Variants in B4GALT3 observed in about 807,000 individuals in gnomAD.
B4GALT3 encodes beta-1,4-galactosyltransferase 3.
Under a neutral mutation model 40.7 loss-of-function variants are expected in B4GALT3, and 29 were observed. That is an observed-to-expected ratio of 0.71 (90% CI 0.53 to 0.97). The LOEUF is 0.97. Among genes scored for constraint, B4GALT3 ranks in the 50% least tolerant of loss-of-function variants. B4GALT3 has a pLI of 0.00. For missense variants in B4GALT3, 390 were observed against 522.3 expected, an observed-to-expected ratio of 0.75 and a Z score of 2.47; for synonymous variants, 182 against 203.9, an observed-to-expected ratio of 0.89 and a Z score of 0.92.
rs1571515160 is a variant in B4GALT3, at chr1:161,175,366, C to T, written c.254-138G>A. ...AGGGCTCACTCAGAAATCTCGCATG[C>T]CTTGGATTACCTATCACTGGGACAG... On this transcript the variant is annotated intron_variant, in intron 3 of 7. Transcript: ENST00000319769. 9.4e-6 allele frequency: 7 copies of T among 745,674 alleles called. No homozygotes were observed. The East Asian group carries it at 1.9e-4, about 20-fold the overall frequency. The allele number at this position is 745,674 out of a possible 1,614,324, so 46.2% of individuals were successfully genotyped here. A position where few individuals can be genotyped will look rare whatever the true frequency, so the allele number is the denominator to read the frequency against.
At chr1:161,173,059 TCA>T (rs1301379753) in intron 6 of B4GALT3, among the ~76,000 whole-genome samples, 1 of 152,138 alleles carries the variant, frequency 6.6e-6, no homozygotes, top group Non-Finnish European at 1.5e-5. Context: ...GGATGAGAAT[TCA>T]CAGAGATGTC....
chr1:161,171,649 A>T lies in B4GALT3; in HGVS notation c.*167T>A. 1 of 940,554 alleles carries T rather than the reference A, an allele frequency of 1.1e-6. No homozygotes were observed. The highest frequency in any genetic ancestry group is 1.6e-6 in the Non-Finnish European group (1 of 640,498). 58.3% of individuals were successfully genotyped at this position (940,554 alleles called of 1,614,324 possible). ...CTAGAGAGAGGGACCCCTCAGGTCT[A>T]CAGGAGCCCAGCTCCAGTCCAGCAG... is the stretch of plus-strand genomic sequence containing the variant. On this transcript the variant is annotated 3_prime_UTR_variant, in exon 8 of 8. Coordinates refer to ENST00000319769, the MANE Select transcript of B4GALT3 (RefSeq NM_003779.4).
chr1:161,176,834 A>AT (rs1663729850), intron 1 of B4GALT3: 1 of 1,532,940 alleles, frequency 6.5e-7, no homozygotes, highest in Admixed American at 2.0e-5. Context: ...TAATGGAAAC[A>AT]TTGTTTTCCC....
At position 161,171,732 on chromosome 1, in the gene B4GALT3, T is replaced by G; in HGVS notation, c.*84A>C. 6.5e-7 allele frequency: 1 copy of G among 1,539,482 alleles called. No individual in the cohort carries two copies. The highest frequency in any genetic ancestry group is 1.2e-5 in the South Asian group (1 of 83,174). On this transcript the variant is annotated 3_prime_UTR_variant, in exon 8 of 8. Transcript: ENST00000319769. Reference sequence around the variant, plus strand: ...CCAGAGTTCAGTTCCCTCACATCCCTCTGAGAACAGTGAGGAGCTGAGGGT... The same window carrying G: ...CCAGAGTTCAGTTCCCTCACATCCCGCTGAGAACAGTGAGGAGCTGAGGGT...
At chr1:161,177,135 G>C (rs1030954842) in intron 1 of B4GALT3, 8 of 1,471,962 alleles carry the variant, frequency 5.4e-6, no homozygotes, top group Non-Finnish European at 7.3e-6. Context: ...GGAGAGCAGG[G>C]GCAGAGACAG....
In B4GALT3 at chr1:161,176,586, C is replaced by A; in HGVS notation, c.-160-7G>T. 1 of 516,778 alleles carries A rather than the reference C, an allele frequency of 1.9e-6. No individual in the cohort carries two copies. Among genetic ancestry groups the A allele is most frequent in the South Asian group, 2.4e-5 (1 of 41,054 alleles). 32.0% of individuals were successfully genotyped at this position (516,778 alleles called of 1,614,324 possible). A position where few individuals can be genotyped will look rare whatever the true frequency, so the allele number is the denominator to read the frequency against. On this transcript the variant is annotated splice_polypyrimidine_tract_variant and splice_region_variant and intron_variant, in intron 1 of 7. Coordinates refer to ENST00000319769, the MANE Select transcript of B4GALT3 (RefSeq NM_003779.4). ...GCAGCGAATCTGGGACCAGCTGGAA[C>A]AGAAGTGGTAAAGGATAACTAGCTA... is the stretch of plus-strand genomic sequence containing the variant.
chr1:161,173,358 G>A (rs1312448103), intron 6 of B4GALT3, among the ~76,000 whole-genome samples: 1 of 152,154 alleles, frequency 6.6e-6, no homozygotes, highest in Non-Finnish European at 1.5e-5. Context: ...GGAATCCGAC[G>A]ATACTATTTC....
intron 2 of B4GALT3, 73 bp from the exon 3 acceptor site, chr1:161,176,147 T>C (rs1663430295): frequency 6.6e-7 from 1 of 1,508,442 alleles, no homozygotes; most frequent in Non-Finnish European, 9.1e-7. Context: ...GTAGGTAGGG[T>C]TGAAGGTGAT....
Position 161,175,199 on chromosome 1 carries a change from C to A in B4GALT3, c.283G>T (p.Val95Leu). 1 of 1,613,724 alleles carries A rather than the reference C, an allele frequency of 6.2e-7. No homozygotes were observed. Among genetic ancestry groups the A allele is most frequent in the Admixed American group, 1.7e-5 (1 of 59,862 alleles). ...VGPVSVSFSPVPSLAEIVERN... is the reference protein window; with the variant it reads ...VGPVSVSFSPLPSLAEIVERN... ...TCCACAATCTCTGCCAGTGATGGCA[C>A]TGGGCTAAAGGACACCGACACAGGA... Residue 95 changes from valine (V) to leucine (L), a missense_variant, in exon 4 of 8, where the codon GTG becomes TTG. Physicochemically the swap from Val to Leu is conservative, Grantham distance 32. Coordinates refer to ENST00000319769, the MANE Select transcript of B4GALT3 (RefSeq NM_003779.4).
At position 161,175,837 on chromosome 1, in the gene B4GALT3, G is replaced by A. The variant is rs199534932; in HGVS notation, c.224C>T (p.Pro75Leu). The part of the protein sequence containing the change: ...PGGPPAPQGL[P>L]YCPERSPLLV... Reference sequence around the variant, plus strand: ...GAGAGGAGATCGTTCTGGACAGTAGGGCAGACCTTGAGGAGCTGGAGGACC... The same window carrying A: ...GAGAGGAGATCGTTCTGGACAGTAGAGCAGACCTTGAGGAGCTGGAGGACC... The change falls in exon 3 of 8, where the codon CCC (proline) becomes CTC (leucine). Residue 75 changes from proline (P) to leucine (L), a missense_variant. Pro to Leu is a moderately conservative substitution (Grantham distance 98). This residue lies in a region of B4GALT3 where 183 missense variants were observed against 223.2 expected (regional missense o/e 0.82). Coordinates refer to ENST00000319769, the MANE Select transcript of B4GALT3 (RefSeq NM_003779.4). 1.1e-4 allele frequency: 181 copies of A among 1,614,122 alleles called. 3 individuals are homozygous for A. Among genetic ancestry groups the A allele is most frequent in the Non-Finnish European group, 7.2e-5 (85 of 1,180,016 alleles).
Position 161,177,468 on chromosome 1 carries a change from A to T in B4GALT3, c.-206T>A. The T allele has an allele frequency of 5.8e-6, 1 of 172,426 alleles. No homozygotes were observed. Among genetic ancestry groups the T allele is most frequent in the Non-Finnish European group, 1.3e-5 (1 of 79,118 alleles). The allele number at this position is 172,426 out of a possible 1,614,324, so 10.7% of individuals were successfully genotyped here. On this transcript the variant is annotated 5_prime_UTR_variant, in exon 1 of 8. Coordinates refer to ENST00000319769, the MANE Select transcript of B4GALT3 (RefSeq NM_003779.4). Reference sequence around the variant, plus strand: ...GTCACCGCCACCCCAACAGCCGGGCAGGCATCGCTGCCGCCATCTTGGAAG... The same window carrying T: ...GTCACCGCCACCCCAACAGCCGGGCTGGCATCGCTGCCGCCATCTTGGAAG...
At chr1:161,174,924 G>C in intron 4 of B4GALT3, 69 bp downstream of exon 4, 1 of 1,502,494 alleles carries the variant, frequency 6.7e-7, no homozygotes, top group Non-Finnish European at 9.2e-7. Context: ...TTAGATGAAA[G>C]TGAAGTGGCA....
intron 1 of B4GALT3, chr1:161,176,953 G>A (rs946600611): frequency 6.5e-7 from 1 of 1,536,174 alleles, no homozygotes; most frequent in Non-Finnish European, 8.7e-7. Context: ...TTCTTCATGT[G>A]CCTGGGTGCC....
intron 4 of B4GALT3, 85 bp from the exon 5 acceptor site, chr1:161,174,134 G>A (rs183906818): frequency 5.4e-5 from 79 of 1,449,642 alleles, no homozygotes; most frequent in African/African-American, 4.5e-4. Flanking sequence ...AAGGCCGGGC[G>A]CGGTGGCTTA....
Position 161,172,336 on chromosome 1 carries a change from G to A in B4GALT3, c.804-5C>T. ...TTCATCCCAGCCAGGCGCACCCTAT[G>A]GGAAAAGTGAGGGTATCATGGGGGA... On this transcript the variant is annotated splice_polypyrimidine_tract_variant and splice_region_variant and intron_variant, in intron 6 of 7. Transcript: ENST00000319769. 6.2e-7 allele frequency: 1 copy of A among 1,612,976 alleles called. No homozygotes were observed. The highest frequency in any genetic ancestry group is 8.5e-7 in the Non-Finnish European group (1 of 1,179,486).
rs1663604084 is a variant in B4GALT3 at position 161,176,569 on chromosome 1, T to C, written c.-150A>G. On this transcript the variant is annotated 5_prime_UTR_variant, in exon 2 of 8. Coordinates refer to ENST00000319769, the MANE Select transcript of B4GALT3 (RefSeq NM_003779.4). ...CTCCATCCAGCACTCCAGCAGCGAA[T>C]CTGGGACCAGCTGGAACAGAAGTGG... 2 of 489,594 alleles carry C rather than the reference T, an allele frequency of 4.1e-6. No individual in the cohort carries two copies. Among genetic ancestry groups the C allele is most frequent in the Admixed American group, 3.5e-5 (1 of 28,566 alleles). The allele number at this position is 489,594 out of a possible 1,614,324, so 30.3% of individuals were successfully genotyped here. A position where few individuals can be genotyped will look rare whatever the true frequency, so the allele number is the denominator to read the frequency against.
rs750965486 is a variant in B4GALT3, at chr1:161,171,915, G to A, written c.1083C>T (p.Ser361=). 4.3e-6 allele frequency: 7 copies of A among 1,614,074 alleles called. No individual in the cohort carries two copies. The African/African-American group carries it at 6.7e-5, about 15-fold the overall frequency. The stretch of plus-strand genomic sequence containing the variant: ...GCATCTCTTGACGGAAGGCTTGGGA[G>A]GAACCAGGTGGGTAACGTGGCCCAG... ...APSGPRYPPG[S]SQAFRQEMLQ... The change falls in exon 8 of 8, where the codon TCC becomes TCT. Residue 361 remains serine (S), a synonymous_variant. Transcript: ENST00000319769.
At chr1:161,176,118 C>A in intron 2 of B4GALT3, 44 bp from the exon 3 acceptor site, 1 of 1,600,328 alleles carries the variant, frequency 6.2e-7, no homozygotes, top group Non-Finnish European at 8.5e-7. Context: ...AGGAAGAGAG[C>A]AAGCCAGCAG....
In B4GALT3 at chr1:161,173,737, G is replaced by A. The variant is rs1387728794; in HGVS notation, c.681-10C>T. 1 of 1,614,116 alleles carries A rather than the reference G, an allele frequency of 6.2e-7. No individual in the cohort carries two copies. Among genetic ancestry groups the A allele is most frequent in the Admixed American group, 1.7e-5 (1 of 60,024 alleles). ...CTGGGGGTACGGGAGGCTAGGGAGAGAAAGATCCTTGCATACCCCGAGTCT... is the reference window on the plus strand; with the variant it reads ...CTGGGGGTACGGGAGGCTAGGGAGAAAAAGATCCTTGCATACCCCGAGTCT... On this transcript the variant is annotated splice_polypyrimidine_tract_variant and intron_variant, in intron 5 of 7. Coordinates refer to ENST00000319769, the MANE Select transcript of B4GALT3 (RefSeq NM_003779.4).
Sources: gnomAD v4.1 joint callset for allele counts (sites outside exome capture counted in the v4.1 genomes callset) on GRCh38, gnomAD v4.1.1 for gene constraint, gnomAD v4.1.1 regional missense constraint, MANE v1.5 for transcripts, NCBI Gene and HGNC (gene_info 2026-07-23, HGNC 2026-07-21) for gene names.